The following SEMA6B variants were observed in gnomAD, a reference collection of about 807,000 sequenced individuals.
SEMA6B encodes semaphorin 6B.
Under a neutral mutation model 78.6 loss-of-function variants are expected in SEMA6B, and 47 were observed. The ratio of observed to expected loss-of-function variants is 0.60; its 90% confidence interval spans 0.47 to 0.76. The LOEUF is 0.76. Among genes scored for constraint, SEMA6B ranks in the 30% least tolerant of loss-of-function variants. SEMA6B has a pLI of 0.00. For missense variants in SEMA6B, 1,213 were observed against 1,269.9 expected (o/e 0.96, Z 0.68); for synonymous variants, 632 against 592.2 (o/e 1.07, Z -0.98).
At chr19:4,556,120 G>A (rs748530475) in intron 5 of SEMA6B, 31 bp from the exon 6 acceptor site, 5 of 1,495,556 alleles carry the variant, frequency 3.3e-6, no homozygotes, top group South Asian at 1.1e-5. Context: ...AGCGGGGAGC[G>A]CGATGTGGGC....
rs1327255438 is a variant in SEMA6B at position 4,542,926 on chromosome 19, C to T, written c.*675G>A. ...GAGTGGGGGGGGTTCAAACTCCTAACCGGCACCTCGGAGACCCCCGGGCCT... is the reference window on the plus strand; with the variant it reads ...GAGTGGGGGGGGTTCAAACTCCTAATCGGCACCTCGGAGACCCCCGGGCCT... On this transcript the variant is annotated 3_prime_UTR_variant, in exon 17 of 17. Transcript: ENST00000586582. The T allele has an allele frequency of 2.9e-6, 2 of 700,916 alleles. No homozygotes were observed. The highest frequency in any genetic ancestry group is 5.4e-5 in the East Asian group (2 of 37,254). 43.4% of individuals were successfully genotyped at this position (700,916 alleles called of 1,614,324 possible).
Position 4,543,637 on chromosome 19 carries a change from A to C in SEMA6B, c.2631T>G (p.Tyr877Ter). ...PGTDLAHLLP[Y>*]GGADRTAPPV... ...GGGGCGCAGTCCTGTCCGCCCCCCC[A>C]TAGGGGAGGAGGTGGGCCAAGTCTG... The change falls in exon 17 of 17, where the codon TAT (tyrosine) becomes TAG (stop). Residue 877 changes from tyrosine (Y) to a stop codon, truncating the protein, a stop_gained. Coordinates refer to ENST00000586582, the MANE Select transcript of SEMA6B (RefSeq NM_032108.4). LOFTEE classifies it high-confidence loss of function. The C allele has an allele frequency of 8.1e-7, 1 of 1,232,100 alleles. No homozygotes were observed. Among genetic ancestry groups the C allele is most frequent in the Middle Eastern group, 3.1e-4 (1 of 3,248 alleles). 76.3% of individuals were successfully genotyped at this position (1,232,100 alleles called of 1,614,324 possible).
intron 5 of SEMA6B, 91 bp downstream of exon 5, chr19:4,556,859 CG>C (rs1259770075): frequency 2.9e-4 from 251 of 858,218 alleles, no homozygotes; most frequent in Middle Eastern, 3.7e-4. Context: ...CCAGGGCTGG[CG>C]GGGTGGGCGT....
rs746902444 is a variant in SEMA6B at position 4,543,143 on chromosome 19, C to A, written c.*458G>T. On this transcript the variant is annotated 3_prime_UTR_variant, in exon 17 of 17. Transcript: ENST00000586582. ...AACACGGCACGCACACGCACGCACACCCACACACGCCAGGGGCCTGGGTTG... is the reference window on the plus strand; with the variant it reads ...AACACGGCACGCACACGCACGCACAACCACACACGCCAGGGGCCTGGGTTG... 505 of 612,810 alleles carry A rather than the reference C, an allele frequency of 8.2e-4. 1 individual carries two copies. Among genetic ancestry groups the A allele is most frequent in the Non-Finnish European group, 1.2e-3 (422 of 341,044 alleles). The allele number at this position is 612,810 out of a possible 1,614,324, so 38.0% of individuals were successfully genotyped here. A position where few individuals can be genotyped will look rare whatever the true frequency, so the allele number is the denominator to read the frequency against.
At position 4,542,680 on chromosome 19, in the gene SEMA6B, TGCA is replaced by T; in HGVS notation, c.*918_*920del. On this transcript the variant is annotated 3_prime_UTR_variant, in exon 17 of 17. Coordinates refer to ENST00000586582, the MANE Select transcript of SEMA6B (RefSeq NM_032108.4). ...AGAGGACCCAGCCAGCCACGTGGCATGCATGGTCAGCTGGAGGTCAGAGGGGGG... is the reference window on the plus strand; with the variant it reads ...AGAGGACCCAGCCAGCCACGTGGCATTGGTCAGCTGGAGGTCAGAGGGGGG... 1.6e-6 allele frequency: 1 copy of T among 640,014 alleles called. No homozygotes were observed. The highest frequency in any genetic ancestry group is 2.9e-6 in the Non-Finnish European group (1 of 348,350). 39.6% of individuals were successfully genotyped at this position (640,014 alleles called of 1,614,324 possible).
At chr19:4,557,549 A>G (rs751335865) in intron 3 of SEMA6B, among the ~76,000 whole-genome samples, 1 of 152,100 alleles carries the variant, frequency 6.6e-6, no homozygotes, top group Non-Finnish European at 1.5e-5. Flanking sequence ...GCCCTGCTCA[A>G]CGTCATTGGT....
chr19:4,545,999 C>T (rs1435601355), intron 16 of SEMA6B: 3 of 450,892 alleles, frequency 6.7e-6, no homozygotes, highest in African/African-American at 2.0e-5. Flanking sequence ...TCTAGATCTC[C>T]TGACCTCGTG....
At chr19:4,554,876 C>T in intron 8 of SEMA6B, 100 bp downstream of exon 8, 1 of 1,396,576 alleles carries the variant, frequency 7.2e-7, no homozygotes, top group Non-Finnish European at 9.8e-7. Flanking sequence ...GAAATCTCTC[C>T]ACCAAGCTCC....
intron 8 of SEMA6B, among the ~76,000 whole-genome samples, chr19:4,554,686 A>G (rs1977422763): frequency 6.6e-6 from 1 of 152,070 alleles, no homozygotes; most frequent in Non-Finnish European, 1.5e-5. Flanking sequence ...AACATCAACT[A>G]TTTTTTGTTA....
At chr19:4,556,821 G>T in intron 5 of SEMA6B, 130 bp downstream of exon 5, 2 of 821,776 alleles carry the variant, frequency 2.4e-6, no homozygotes. Flanking sequence ...GCGGGGCCAG[G>T]GCTGATTGGG....
At position 4,544,463 on chromosome 19, in the gene SEMA6B, G is replaced by A. The variant is rs1193583591; in HGVS notation, c.1805C>T (p.Ser602Leu). 3 of 1,598,828 alleles carry A rather than the reference G, an allele frequency of 1.9e-6. No homozygotes were observed. The highest frequency in any genetic ancestry group is 8.5e-7 in the Non-Finnish European group (1 of 1,173,726). The part of the protein sequence containing the change: ...GLVSVNLLVT[S>L]SVAAFVVGAV... ...TCCCACCACGAAGGCCGCCACCGAC[G>A]ACGTTACCAGCAGGTTCACCGACAC... is the stretch of plus-strand genomic sequence containing the variant. The change falls in exon 17 of 17, where the codon TCG becomes TTG. Residue 602 changes from serine (S) to leucine (L), a missense_variant. Transcript: ENST00000586582. This position sits in a 1 kb window ranked among gnomAD's most constrained non-coding sequence, Gnocchi z 5.1.
At chr19:4,549,706 C>G (rs1384026480) in intron 12 of SEMA6B, among the ~76,000 whole-genome samples, 1 of 152,134 alleles carries the variant, frequency 6.6e-6, no homozygotes, top group African/African-American at 2.4e-5. Context: ...TCTCCATCTC[C>G]TGGCCTCGTG....
Position 4,552,614 on chromosome 19 carries a change from A to G in SEMA6B, c.797T>C (p.Val266Ala), listed in dbSNP as rs1241327786. 1.9e-6 allele frequency: 3 copies of G among 1,610,496 alleles called. No homozygotes were observed. Among genetic ancestry groups the G allele is most frequent in the Non-Finnish European group, 2.5e-6 (3 of 1,178,392 alleles). Residue 266 changes from valine to alanine, a missense_variant, in exon 10 of 17, where the codon GTG becomes GCG. Val to Ala is a moderately conservative substitution (Grantham distance 64). Transcript: ENST00000586582. The surrounding 1 kb of genome is among the most constrained non-coding windows in gnomAD (Gnocchi z 7.4). ...EKVVVSRVAR[V>A]CKNDVGGSPR... ...GGAGCCTCCCACGTCGTTCTTGCAC[A>G]CTCGGGCCACGCGGGACACCACCAC... is the stretch of plus-strand genomic sequence containing the variant.
chr19:4,557,641 C>T (rs1025990339), intron 3 of SEMA6B, among the ~76,000 whole-genome samples: 2 of 152,184 alleles, frequency 1.3e-5, no homozygotes, highest in Non-Finnish European at 2.9e-5. Context: ...GGTCTCTCTC[C>T]TTCCTGGGAA....
At chr19:4,545,440 C>T (rs144778213) in intron 16 of SEMA6B, among the ~76,000 whole-genome samples, 1,853 of 152,040 alleles carry the variant, frequency 0.012, 43 homozygotes, top group African/African-American at 0.042. Flanking sequence ...TGGGCTCAAG[C>T]GATCCTCCCG....
At position 4,548,358 on chromosome 19, in the gene SEMA6B, C is replaced by T. The variant is rs149833889; in HGVS notation, c.1359G>A (p.Thr453=). The T allele has an allele frequency of 7.1e-5, 114 of 1,613,836 alleles. 1 individual carries two copies. Among genetic ancestry groups the T allele is most frequent in the Middle Eastern group, 1.7e-4 (1 of 6,060 alleles). ...TGGGCCGGACGAGGAACTTGAGGAC[C>T]GTCCCCGCCTCAGAACCCAGGAAGA... ...TVVFLGSEAG[T]VLKFLVRPNA... Residue 453 remains threonine (T), a synonymous_variant, in exon 13 of 17, where the codon ACG becomes ACA. Transcript: ENST00000586582.
rs113334997 is a variant in SEMA6B at position 4,552,921 on chromosome 19, G to A, written c.772-282C>T. Among the ~76,000 whole-genome samples, 45 of 152,306 alleles carry A rather than the reference G, an allele frequency of 3.0e-4. No individual in the cohort carries two copies. The highest frequency in any genetic ancestry group is 1.1e-3 in the African/African-American group (44 of 41,546). ...CATCTCTTACACTCTTCCCGAGGGG[G>A]GCCTACTGATATCCCCCCATTGTAC... On this transcript the variant is annotated intron_variant, in intron 9 of 16. Coordinates refer to ENST00000586582, the MANE Select transcript of SEMA6B (RefSeq NM_032108.4). The surrounding 1 kb of genome is among the most constrained non-coding windows in gnomAD (Gnocchi z 7.4).
At position 4,544,239 on chromosome 19, in the gene SEMA6B, G is replaced by C; in HGVS notation, c.2029C>G (p.Pro677Ala). 3 of 1,276,986 alleles carry C rather than the reference G, an allele frequency of 2.3e-6. No individual in the cohort carries two copies. Among genetic ancestry groups the C allele is most frequent in the Non-Finnish European group, 3.0e-6 (3 of 1,015,106 alleles). The allele number at this position is 1,276,986 out of a possible 1,614,324, so 79.1% of individuals were successfully genotyped here. ...GGGGGGAGVPPEALLAPLMQN... is the reference protein window; with the variant it reads ...GGGGGGAGVPAEALLAPLMQN... ...ATCAGGGGCGCCAGCAGGGCCTCCG[G>C]GGGAACCCCGGCGCCACCGCCACCG... Residue 677 changes from proline to alanine, a missense_variant, in exon 17 of 17, where the codon CCG (proline) becomes GCG (alanine). Pro to Ala is a conservative substitution (Grantham distance 27). Coordinates refer to ENST00000586582, the MANE Select transcript of SEMA6B (RefSeq NM_032108.4). The surrounding 1 kb of genome is among the most constrained non-coding windows in gnomAD (Gnocchi z 5.1).
In SEMA6B at chr19:4,558,506, G is replaced by T; in HGVS notation, c.-32-17C>A. 1 of 1,234,188 alleles carries T rather than the reference G, an allele frequency of 8.1e-7. No homozygotes were observed. 76.5% of individuals were successfully genotyped at this position (1,234,188 alleles called of 1,614,324 possible). Reference sequence around the variant, plus strand: ...AGGTGACGCCTGCGGGCAAGGGGCGGCGAGGTGAGCGGCCTGCAGTCCCGC... The same window carrying T: ...AGGTGACGCCTGCGGGCAAGGGGCGTCGAGGTGAGCGGCCTGCAGTCCCGC... On this transcript the variant is annotated splice_polypyrimidine_tract_variant and intron_variant, in intron 1 of 16. Transcript: ENST00000586582. This position sits in a 1 kb window ranked among gnomAD's most constrained non-coding sequence, Gnocchi z 5.1.
Sources: gnomAD v4.1 joint callset for allele counts (sites outside exome capture counted in the v4.1 genomes callset) on GRCh38, gnomAD v4.1.1 for gene constraint, Gnocchi (gnomAD v3.1) non-coding constraint, MANE v1.5 for transcripts, NCBI Gene and HGNC (gene_info 2026-07-23, HGNC 2026-07-21) for gene names.